The following PPP1R12B variants were observed in gnomAD, a reference collection of about 807,000 sequenced individuals.
The protein encoded by PPP1R12B is protein phosphatase 1 regulatory subunit 12B.
In PPP1R12B, 76 loss-of-function variants were observed where a neutral mutation model predicts 126.1. The observed-to-expected ratio is 0.60, with a 90% CI of 0.50 to 0.73. The LOEUF (loss-of-function observed/expected upper bound fraction) is 0.73. Ranked by LOEUF, PPP1R12B falls within the 30% of genes least tolerant of loss-of-function variation. The probability of loss-of-function intolerance (pLI) is 0.00; values close to 1 mark genes in which losing one functional copy is unlikely to be tolerated. For missense variants in PPP1R12B, 1,052 were observed against 1,205.1 expected (o/e 0.87, Z 1.88); for synonymous variants, 356 against 434.7 (o/e 0.82, Z 2.25).
chr1:202,475,177 G>C (rs1676472715), intron 13 of PPP1R12B, among the ~76,000 whole-genome samples: 1 of 152,086 alleles, frequency 6.6e-6, no homozygotes, highest in Non-Finnish European at 1.5e-5. Flanking sequence ...CATAGTATTA[G>C]CCTCCCGTTC....
At chr1:202,502,578 T>G in intron 18 of PPP1R12B, 1 of 646,606 alleles carries the variant, frequency 1.5e-6, no homozygotes, top group Non-Finnish European at 1.9e-6. Context: ...CAAACAGCCC[T>G]GCTCTTACGG....
intron 11 of PPP1R12B, among the ~76,000 whole-genome samples, chr1:202,441,395 C>T (rs529423085): frequency 6.6e-6 from 1 of 152,082 alleles, no homozygotes; most frequent in Non-Finnish European, 1.5e-5. Context: ...CTCCAGACCT[C>T]GAGTGGTCCT....
intron 3 of PPP1R12B, among the ~76,000 whole-genome samples, chr1:202,424,757 C>T (rs545091106): frequency 3.1e-4 from 47 of 152,252 alleles, no homozygotes; most frequent in African/African-American, 1.1e-3. Flanking sequence ...CACCCTAACC[C>T]CTTTTCACTG....
chr1:202,480,829 G>A (rs1205436355), intron 13 of PPP1R12B, among the ~76,000 whole-genome samples: 1 of 152,140 alleles, frequency 6.6e-6, no homozygotes, highest in East Asian at 1.9e-4. Context: ...TGACTAAGAA[G>A]ATTCTTTGAA....
chr1:202,496,565 G>A (rs900782878), intron 17 of PPP1R12B, among the ~76,000 whole-genome samples: 1 of 152,202 alleles, frequency 6.6e-6, no homozygotes, highest in African/African-American at 2.4e-5. Flanking sequence ...TTTTCCAACT[G>A]TGGTTGATTT....
rs1022355092 is a variant in PPP1R12B, at chr1:202,586,056, A to G, written c.*5496A>G. ...AAAATTTTCCTCGACAAGAACCTCAATCTTTAGTTCCATTGAGCTCCCCCT... is the reference window on the plus strand; with the variant it reads ...AAAATTTTCCTCGACAAGAACCTCAGTCTTTAGTTCCATTGAGCTCCCCCT... On this transcript the variant is annotated 3_prime_UTR_variant, in exon 24 of 24. Coordinates refer to ENST00000608999, the MANE Select transcript of PPP1R12B (RefSeq NM_002481.4). 1 of 152,366 alleles carries G rather than the reference A, an allele frequency of 6.6e-6. No individual in the cohort carries two copies. Among genetic ancestry groups the G allele is most frequent in the East Asian group, 1.9e-4 (1 of 5,192 alleles). The allele number at this position is 152,366 out of a possible 1,614,324, so 9.4% of individuals were successfully genotyped here.
intron 19 of PPP1R12B, among the ~76,000 whole-genome samples, chr1:202,559,850 G>T (rs373930226): frequency 6.6e-6 from 1 of 152,120 alleles, no homozygotes; most frequent in Non-Finnish European, 1.5e-5. Context: ...GTATTTTGCC[G>T]TAATCTTTTG....
rs577957262 is a variant in PPP1R12B, at chr1:202,489,000, G to T, written c.1941+377G>T. ...AGAAGTTCCAGTGAGCCAAGATTGC[G>T]CCACTGCCCTCCTGGGCGACAGAGC... On this transcript the variant is annotated intron_variant, in intron 14 of 23. Transcript: ENST00000608999. Among the ~76,000 whole-genome samples the T allele has an allele frequency of 9.2e-5, 14 of 152,202 alleles. No homozygotes were observed. In the East Asian group the frequency reaches 1.4e-3, roughly 15 times the overall value.
intron 1 of PPP1R12B, among the ~76,000 whole-genome samples, chr1:202,381,397 GGTGTGT>G (rs773680210): frequency 1.1e-3 from 26 of 23,276 alleles, no homozygotes; most frequent in African/African-American, 1.8e-3. Flanking sequence ...TGAGCTTTGG[GGTGTGT>G]GTGTGTGTGT....
chr1:202,532,238 G>A (rs1488878528), intron 18 of PPP1R12B, among the ~76,000 whole-genome samples: 3 of 152,184 alleles, frequency 2.0e-5, no homozygotes, highest in Admixed American at 2.0e-4. Context: ...AATGAGTCAT[G>A]AGGACGAACA....
intron 17 of PPP1R12B, among the ~76,000 whole-genome samples, chr1:202,496,431 C>A (rs752960813): frequency 6.6e-6 from 1 of 152,154 alleles, no homozygotes; most frequent in Non-Finnish European, 1.5e-5. Flanking sequence ...CAGTAGTAGT[C>A]ATTCATTATA....
At chr1:202,430,584 GT>G (rs1670065676) in intron 6 of PPP1R12B, 146 bp from the exon 7 acceptor site, 3 of 698,086 alleles carry the variant, frequency 4.3e-6, no homozygotes, top group Non-Finnish European at 6.8e-6. Context: ...CAACTGATAT[GT>G]TTCTCTTTTT....
intron 8 of PPP1R12B, among the ~76,000 whole-genome samples, chr1:202,432,537 G>T (rs920744365): frequency 6.6e-6 from 1 of 152,118 alleles, no homozygotes; most frequent in Non-Finnish European, 1.5e-5. Flanking sequence ...TAAGTGCTAG[G>T]ATTACAGGCA....
chr1:202,557,665 A>G (rs1216399880), intron 18 of PPP1R12B, among the ~76,000 whole-genome samples: 1 of 152,218 alleles, frequency 6.6e-6, no homozygotes. Context: ...AAAAATACAT[A>G]TAGGAAGGCT....
intron 23 of PPP1R12B, among the ~76,000 whole-genome samples, chr1:202,577,563 C>T (rs1689200899): frequency 6.6e-6 from 1 of 151,984 alleles, no homozygotes; most frequent in Non-Finnish European, 1.5e-5. Flanking sequence ...AGAGATTTTA[C>T]TCTACCTTTT....
chr1:202,410,721 A>G (rs192649300), intron 1 of PPP1R12B, among the ~76,000 whole-genome samples: 1 of 152,356 alleles, frequency 6.6e-6, no homozygotes, highest in East Asian at 1.9e-4. Flanking sequence ...TATCATTGCC[A>G]GACAAATGTG....
At chr1:202,473,062 A>T (rs997214070) in intron 13 of PPP1R12B, among the ~76,000 whole-genome samples, 35 of 152,228 alleles carry the variant, frequency 2.3e-4, no homozygotes, top group African/African-American at 8.4e-4. Context: ...ATAGGTCTAG[A>T]TTTAAGAAAT....
Position 202,565,212 on chromosome 1 carries a change from C to T in PPP1R12B, c.2757+665C>T, listed in dbSNP as rs144656620. Among the ~76,000 whole-genome samples, 650 of 152,322 alleles carry T rather than the reference C, an allele frequency of 4.3e-3. 3 individuals carry two copies. Among genetic ancestry groups the T allele is most frequent in the African/African-American group, 0.015 (621 of 41,564 alleles). ...AGGATGCTGGAGGTAATAACCTTGT[C>T]ACCAGTGAAACAAACTCCGCAGCTG... On this transcript the variant is annotated intron_variant, in intron 21 of 23. Transcript: ENST00000608999. This position sits in a 1 kb window ranked among gnomAD's most constrained non-coding sequence, Gnocchi z 4.3.
intron 18 of PPP1R12B, among the ~76,000 whole-genome samples, chr1:202,509,945 T>C (rs1366202005): frequency 1.3e-5 from 2 of 152,192 alleles, no homozygotes; most frequent in Admixed American, 1.3e-4. Flanking sequence ...TAAAGACTCA[T>C]ATAAGGTGTG....
Sources: gnomAD v4.1 joint callset for allele counts (sites outside exome capture counted in the v4.1 genomes callset) on GRCh38, gnomAD v4.1.1 for gene constraint, Gnocchi (gnomAD v3.1) non-coding constraint, MANE v1.5 for transcripts, NCBI Gene and HGNC (gene_info 2026-07-23, HGNC 2026-07-21) for gene names.